The following GRM7 variants were observed in gnomAD, a reference collection of about 807,000 sequenced individuals.
The protein encoded by GRM7 is metabotropic glutamate receptor 7.
GRM7 carries 35 observed loss-of-function variants against 84.5 expected under a neutral mutation model. That is an observed-to-expected ratio of 0.41 (90% confidence interval 0.32 to 0.55). The LOEUF (loss-of-function observed/expected upper bound fraction) is 0.55, where lower values mean the gene tolerates loss of function less well. Among genes scored for constraint, GRM7 ranks in the 20% least tolerant of loss-of-function variants. The pLI, the probability that GRM7 is intolerant of heterozygous loss-of-function variation, is 0.19. For missense variants in GRM7, 1,003 were observed against 1,194.6 expected (o/e 0.84, Z 2.36); for synonymous variants, 487 against 455.1 (o/e 1.07, Z -0.89).
rs544397478 is a variant in GRM7, at chr3:7,663,361, A to G, written c.2452-16688A>G. Among the ~76,000 whole-genome samples the G allele has an allele frequency of 3.3e-5, 5 of 152,270 alleles. No homozygotes were observed. The South Asian group carries it at 1.0e-3, about 32-fold the overall frequency. On this transcript the variant is annotated intron_variant, in intron 8 of 9. Transcript: ENST00000357716. The stretch of plus-strand genomic sequence containing the variant: ...GTATATCCTAGTCATTATTTGCAGG[A>G]TGCCCAGGGGAAGGGGGCATAAACG...
chr3:7,409,548 C>T (rs1215127597), intron 4 of GRM7, among the ~76,000 whole-genome samples: 1 of 151,814 alleles, frequency 6.6e-6, no homozygotes, highest in Non-Finnish European at 1.5e-5. Flanking sequence ...TTATATCCTG[C>T]TGCTTTCCCA....
chr3:6,862,887 G>C lies in GRM7; in HGVS notation c.519+980G>C. The C allele has an allele frequency of 4.8e-6, 2 of 412,628 alleles. No homozygotes were observed. The highest frequency in any genetic ancestry group is 1.7e-5 in the South Asian group (1 of 58,540). The allele number at this position is 412,628 out of a possible 1,614,324, so 25.6% of individuals were successfully genotyped here. ...TCCTGCTCCGGTGCCGGAGGGAGAC[G>C]GAGAAAAAATGGGAGGAAGGCGGAT... On this transcript the variant is annotated intron_variant, in intron 1 of 9. Coordinates refer to ENST00000357716, the MANE Select transcript of GRM7 (RefSeq NM_000844.4). The surrounding 1 kb of genome is among the most constrained non-coding windows in gnomAD (Gnocchi z 5.2).
At chr3:7,042,756 G>A (rs1303880482) in intron 1 of GRM7, among the ~76,000 whole-genome samples, 1 of 151,878 alleles carries the variant, frequency 6.6e-6, no homozygotes, top group Non-Finnish European at 1.5e-5. Flanking sequence ...ATACAGTTCT[G>A]TTTTAATATC....
At chr3:7,599,886 C>A (rs1696234575) in intron 8 of GRM7, among the ~76,000 whole-genome samples, 1 of 152,064 alleles carries the variant, frequency 6.6e-6, no homozygotes, top group Non-Finnish European at 1.5e-5. Context: ...CTAGTGAGGA[C>A]ATAGGCTATT....
At chr3:6,894,712 C>T (rs1399062023) in intron 1 of GRM7, among the ~76,000 whole-genome samples, 1 of 152,124 alleles carries the variant, frequency 6.6e-6, no homozygotes, top group Non-Finnish European at 1.5e-5. Context: ...AGGCTTCCAG[C>T]AGCTTTACTC....
At chr3:7,376,805 G>A (rs528022123) in intron 4 of GRM7, among the ~76,000 whole-genome samples, 4 of 152,154 alleles carry the variant, frequency 2.6e-5, no homozygotes, top group Non-Finnish European at 4.4e-5. Context: ...CAGAACTACT[G>A]CCATTAGGAG....
chr3:7,482,104 C>T (rs149994099), intron 7 of GRM7, among the ~76,000 whole-genome samples: 1,631 of 152,262 alleles, frequency 0.011, 33 homozygotes, highest in African/African-American at 0.036. Context: ...AGGAGAATGG[C>T]GTGAACCCAG....
At chr3:7,493,397 CT>C (rs150699622) in intron 7 of GRM7, among the ~76,000 whole-genome samples, 4,126 of 150,710 alleles carry the variant, frequency 0.027, 104 homozygotes, top group African/African-American at 0.067. Flanking sequence ...TTGATTGATC[CT>C]TTTTTTTTCT....
At chr3:7,426,010 G>A (rs12487494) in intron 5 of GRM7, among the ~76,000 whole-genome samples, 54,760 of 152,012 alleles carry the variant, frequency 0.36, 10,641 homozygotes, top group Non-Finnish European at 0.45. Flanking sequence ...AGCTTTAAGA[G>A]GCACTAAAAG....
chr3:7,430,334 GAGCTGTTAGATTTCATACAATGGGCCAGT>G (rs1325480085), intron 5 of GRM7, among the ~76,000 whole-genome samples: 1 of 152,130 alleles, frequency 6.6e-6, no homozygotes, highest in Non-Finnish European at 1.5e-5. Context: ...TTGGCAAGGA[GAGCTGTTAGATTTCATACAATGGGCCAGT>G]AGGCATACAA....
chr3:7,401,129 C>T (rs556811866), intron 4 of GRM7, among the ~76,000 whole-genome samples: 2 of 152,142 alleles, frequency 1.3e-5, no homozygotes, highest in African/African-American at 2.4e-5. Context: ...TAATTAATTG[C>T]TCTATTATGC....
At chr3:6,993,090 A>G (rs1285157726) in intron 1 of GRM7, among the ~76,000 whole-genome samples, 1 of 152,234 alleles carries the variant, frequency 6.6e-6, no homozygotes, top group Non-Finnish European at 1.5e-5. Flanking sequence ...AAGCGAAAGC[A>G]AACATGTCTT....
intron 4 of GRM7, among the ~76,000 whole-genome samples, chr3:7,362,946 T>C (rs1437550517): frequency 1.3e-5 from 2 of 151,952 alleles, no homozygotes; most frequent in Non-Finnish European, 2.9e-5. Flanking sequence ...CAAGACCTCA[T>C]GTCTGCAAGA....
At chr3:7,425,731 A>G (rs1696579931) in intron 5 of GRM7, among the ~76,000 whole-genome samples, 1 of 152,222 alleles carries the variant, frequency 6.6e-6, no homozygotes, top group Non-Finnish European at 1.5e-5. Context: ...GTTCTGGTCA[A>G]GTTTATAATA....
At chr3:7,686,263 G>T (rs993776826) in intron 9 of GRM7, 4 of 626,596 alleles carry the variant, frequency 6.4e-6, no homozygotes, top group Non-Finnish European at 1.2e-5. Context: ...GGTCTCTATC[G>T]CAGCCTTTTC....
At chr3:7,317,337 C>T (rs900213448) in intron 4 of GRM7, among the ~76,000 whole-genome samples, 2 of 151,888 alleles carry the variant, frequency 1.3e-5, no homozygotes, top group East Asian at 1.9e-4. Flanking sequence ...TGAGTATCTT[C>T]GAAGAATAGG....
chr3:6,947,416 G>C lies in GRM7; in HGVS notation c.519+85509G>C, dbSNP rs568319346. On this transcript the variant is annotated intron_variant, in intron 1 of 9. Coordinates refer to ENST00000357716, the MANE Select transcript of GRM7 (RefSeq NM_000844.4). ...CAGGGATGAGGCCCACTTGATCATG[G>C]TGGATAAGCTTTTTGATGTGCTGCT... 1.7e-3 allele frequency among the ~76,000 whole-genome samples: 254 copies of C among 152,274 alleles called. 1 individual carries two copies. The highest frequency in any genetic ancestry group is 2.6e-3 in the Non-Finnish European group (175 of 68,008).
chr3:7,070,405 A>T (rs1336068741), intron 1 of GRM7, among the ~76,000 whole-genome samples: 2 of 152,122 alleles, frequency 1.3e-5, no homozygotes, highest in African/African-American at 2.4e-5. Flanking sequence ...TGATTGAATG[A>T]TTTGCATTAA....
At chr3:6,933,808 A>C (rs1697592348) in intron 1 of GRM7, among the ~76,000 whole-genome samples, 1 of 152,068 alleles carries the variant, frequency 6.6e-6, no homozygotes, top group South Asian at 2.1e-4. Flanking sequence ...AGTGGTAATC[A>C]GGGCTTGATC....
Sources: allele counts gnomAD v4.1 joint callset (sites outside exome capture counted in the v4.1 genomes callset), GRCh38; gene constraint gnomAD v4.1.1; non-coding constraint Gnocchi (gnomAD v3.1); transcripts MANE v1.5; gene names NCBI Gene and HGNC (gene_info 2026-07-23, HGNC 2026-07-21).